RANBP2: variants seen among roughly 807,000 people sequenced by gnomAD.
RANBP2 encodes RAN binding protein 2.
Under a neutral mutation model 303.6 loss-of-function variants are expected in RANBP2, and 57 were observed. That is an observed-to-expected ratio of 0.19 (90% confidence interval 0.15 to 0.23). The LOEUF (loss-of-function observed/expected upper bound fraction) is 0.23, where lower values mean the gene tolerates loss of function less well. RANBP2 is among the 10% of genes least tolerant of loss of function. RANBP2 has a pLI of 1.00. For missense variants in RANBP2, 3,138 were observed against 3,780.8 expected (o/e 0.83, Z 4.46); for synonymous variants, 1,167 against 1,301.5 (o/e 0.90, Z 2.23).
At chr2:109,414,290 A>G in the RANBP2 span, among the ~76,000 whole-genome samples, 1 of 152,014 alleles carries the variant, frequency 6.6e-6, no homozygotes, top group African/African-American at 2.4e-5. Context: ...GGGTTGTCTG[A>G]CTTCATACTC....
chr2:109,081,049 G>T, the RANBP2 span, among the ~76,000 whole-genome samples: 2 of 152,216 alleles, frequency 1.3e-5, no homozygotes, highest in African/African-American at 4.8e-5. Flanking sequence ...CTTGATGTGT[G>T]CCTGCCCAAC....
At chr2:108,987,446 C>A in the RANBP2 span, among the ~76,000 whole-genome samples, 2 of 152,210 alleles carry the variant, frequency 1.3e-5, no homozygotes, top group Non-Finnish European at 2.9e-5. Context: ...CAAGAGGGTA[C>A]CATGATGCCT....
chr2:109,187,127 G>C, the RANBP2 span, among the ~76,000 whole-genome samples: 1 of 149,786 alleles, frequency 6.7e-6, no homozygotes, highest in Non-Finnish European at 1.5e-5. Flanking sequence ...GCCACAGGGT[G>C]AGGGACACAG....
rs375070272 is a variant in RANBP2 at position 108,764,856 on chromosome 2, G to C, written c.4317G>C (p.Gln1439His). ...CTGTATCTAGGTGCATTGCGTGTCA[G>C]AATACAAAATCTGCTAACAAAAGTG... The part of the protein sequence containing the change: ...EPTVSRCIAC[Q>H]NTKSANKSGS... The change falls in exon 20 of 29, where the codon CAG becomes CAC. Residue 1439 changes from glutamine (Q) to histidine (H), a missense_variant. By Grantham distance (24) the Gln-to-His change is conservative (BLOSUM62 0). Around this residue, in one of 20 missense-constraint regions of RANBP2, gnomAD observed 388 missense variants for 328.5 expected, o/e 1.18. Transcript: ENST00000283195. 137 of 1,613,836 alleles carry C rather than the reference G, an allele frequency of 8.5e-5. 1 individual carries two copies. In the Middle Eastern group the frequency reaches 2.1e-3, roughly 25 times the overall value.
the RANBP2 span, among the ~76,000 whole-genome samples, chr2:109,154,572 G>T: frequency 6.6e-6 from 1 of 152,130 alleles, no homozygotes; most frequent in Admixed American, 6.5e-5. Context: ...CTAGTTCATG[G>T]CCAGAAGCCC....
At chr2:109,565,524 C>A in the RANBP2 span, among the ~76,000 whole-genome samples, 1 of 152,182 alleles carries the variant, frequency 6.6e-6, no homozygotes, top group Non-Finnish European at 1.5e-5. Flanking sequence ...GGTCAGAGTG[C>A]CCCACTGGTG....
At chr2:109,113,073 C>T in the RANBP2 span, among the ~76,000 whole-genome samples, 1 of 152,148 alleles carries the variant, frequency 6.6e-6, no homozygotes, top group Non-Finnish European at 1.5e-5. Context: ...AGTGTGATGC[C>T]TCCAGCTTTG....
the RANBP2 span, among the ~76,000 whole-genome samples, chr2:109,417,649 T>C: frequency 6.6e-6 from 1 of 152,142 alleles, no homozygotes; most frequent in Non-Finnish European, 1.5e-5. Flanking sequence ...ATGGAAGTCA[T>C]TTGAGACTTG....
At chr2:108,895,450 C>A in the RANBP2 span, 4 of 152,470 alleles carry the variant, frequency 2.6e-5, no homozygotes, top group Admixed American at 2.6e-4. Context: ...AGGGATAGTA[C>A]AATAATATGC....
the RANBP2 span, among the ~76,000 whole-genome samples, chr2:108,910,295 G>C: frequency 1.2e-4 from 18 of 152,184 alleles, no homozygotes; most frequent in Non-Finnish European, 2.2e-4. Context: ...CACACCACCT[G>C]ACCCCTGCCA....
At chr2:109,390,997 A>C in the RANBP2 span, among the ~76,000 whole-genome samples, 22 of 152,348 alleles carry the variant, frequency 1.4e-4, no homozygotes, top group East Asian at 4.2e-3. Context: ...GCTAGCACCC[A>C]GAGGCGGACA....
At chr2:109,342,648 C>T in the RANBP2 span, among the ~76,000 whole-genome samples, 2 of 152,318 alleles carry the variant, frequency 1.3e-5, no homozygotes, top group East Asian at 1.9e-4. Context: ...CTCTGGCACC[C>T]GCCCTTACTC....
the RANBP2 span, among the ~76,000 whole-genome samples, chr2:109,604,605 T>C: frequency 1.3e-5 from 2 of 151,226 alleles, no homozygotes; most frequent in Non-Finnish European, 2.9e-5. Flanking sequence ...CGGGTGCCTG[T>C]AGTCCCAGGT....
intron 1 of RANBP2, among the ~76,000 whole-genome samples, chr2:108,725,416 ATTTTTCTATTATGTTTTGGCATTG>A (rs903198440): frequency 1.3e-5 from 2 of 152,164 alleles, no homozygotes; most frequent in African/African-American, 2.4e-5. Context: ...TAATGGAATT[ATTTTTCTATTATGTTTTGGCATTG>A]TACCTTGAAT....
chr2:109,657,240 G>A, the RANBP2 span, among the ~76,000 whole-genome samples: 2 of 152,128 alleles, frequency 1.3e-5, no homozygotes, highest in African/African-American at 2.4e-5. Context: ...GAGGTCAGGA[G>A]TTTGAGACCA....
At chr2:109,415,542 C>T in the RANBP2 span, among the ~76,000 whole-genome samples, 1 of 152,120 alleles carries the variant, frequency 6.6e-6, no homozygotes, top group Non-Finnish European at 1.5e-5. Context: ...TTGCCCTCTG[C>T]CGGTGCAGGC....
chr2:109,552,856 C>G, the RANBP2 span: 3 of 433,752 alleles, frequency 6.9e-6, no homozygotes, highest in Non-Finnish European at 1.2e-5. Flanking sequence ...AGAATTTCAA[C>G]GATTAGTGAC....
At chr2:109,341,628 G>A in the RANBP2 span, among the ~76,000 whole-genome samples, 1 of 152,138 alleles carries the variant, frequency 6.6e-6, no homozygotes, top group Non-Finnish European at 1.5e-5. Context: ...TCATGGTATG[G>A]GGGTGTGTTC....
At chr2:108,983,770 G>A in the RANBP2 span, among the ~76,000 whole-genome samples, 1 of 152,348 alleles carries the variant, frequency 6.6e-6, no homozygotes, top group African/African-American at 2.4e-5. Flanking sequence ...GCCATATGGA[G>A]TCAACAGGAA....
Sources: gnomAD v4.1 joint callset for allele counts (sites outside exome capture counted in the v4.1 genomes callset) on GRCh38, gnomAD v4.1.1 for gene constraint, gnomAD v4.1.1 regional missense constraint, MANE v1.5 for transcripts, NCBI Gene and HGNC (gene_info 2026-07-23, HGNC 2026-07-21) for gene names.